The following DNAJB1 variants were observed in gnomAD, a reference collection of about 807,000 sequenced individuals.
The protein encoded by DNAJB1 is DnaJ heat shock protein family (Hsp40) member B1.
A neutral mutation model predicts 24.0 loss-of-function variants in DNAJB1; 14 were observed. The observed-to-expected ratio is 0.58, with a 90% CI of 0.39 to 0.91. The LOEUF (loss-of-function observed/expected upper bound fraction) is 0.91, where lower values mean the gene tolerates loss of function less well. DNAJB1 is among the 40% of genes least tolerant of loss of function. The pLI is 0.00. For missense variants in DNAJB1, 517 were observed against 458.1 expected, an observed-to-expected ratio of 1.13 and a Z score of -1.17; for synonymous variants, 262 against 174.4, an observed-to-expected ratio of 1.50 and a Z score of -3.96.
intron 1 of DNAJB1, among the ~76,000 whole-genome samples, chr19:14,556,186 C>G (rs928981924): frequency 3.9e-5 from 6 of 152,198 alleles, no homozygotes; most frequent in African/African-American, 1.4e-4. Context: ...GGACTCCTTC[C>G]TGCTCAGCCA....
At chr19:14,538,396 C>T (rs553811743) in intron 1 of DNAJB1, among the ~76,000 whole-genome samples, 8 of 152,194 alleles carry the variant, frequency 5.3e-5, no homozygotes, top group Admixed American at 1.3e-4. Context: ...CAGCATGCTT[C>T]GCGGCCCACA....
intron 2 of DNAJB1, 78 bp from the exon 3 acceptor site, chr19:14,516,248 G>A (rs1489074699): frequency 6.6e-7 from 1 of 1,508,878 alleles, no homozygotes; most frequent in African/African-American, 1.4e-5. Context: ...GTCTGCCATA[G>A]ATAAGACCCA....
At chr19:14,530,277 T>C (rs1373248669), upstream of DNAJB1, 1 of 162,420 alleles carries the variant, frequency 6.2e-6, no homozygotes, top group African/African-American at 2.4e-5. Context: ...ACGTCAACCC[T>C]TGGGTGTCAC....
intron 1 of DNAJB1, among the ~76,000 whole-genome samples, chr19:14,542,347 G>GGTT (rs2073124658): frequency 4.6e-5 from 2 of 43,300 alleles, no homozygotes; most frequent in African/African-American, 1.6e-4. Flanking sequence ...ATGCCATAGT[G>GGTT]TTTTTTTTTT....
intron 1 of DNAJB1, among the ~76,000 whole-genome samples, chr19:14,543,153 G>A (rs1269463171): frequency 1.3e-5 from 2 of 151,062 alleles, no homozygotes; most frequent in Non-Finnish European, 3.0e-5. Context: ...AAGTCACGGA[G>A]CTGAGCCTCC....
intron 1 of DNAJB1, among the ~76,000 whole-genome samples, chr19:14,536,941 C>G (rs2072918724): frequency 7.1e-6 from 1 of 141,708 alleles, no homozygotes; most frequent in Admixed American, 7.5e-5. Context: ...GACCTCTGGA[C>G]ACGGGGCAGA....
intron 1 of DNAJB1, among the ~76,000 whole-genome samples, chr19:14,559,311 C>T (rs1030716282): frequency 1.3e-5 from 2 of 151,980 alleles, no homozygotes; most frequent in African/African-American, 4.8e-5. Flanking sequence ...GAAAGGAGAC[C>T]GGGTACCCAG....
chr19:14,542,894 G>C (rs1010914950), intron 1 of DNAJB1, among the ~76,000 whole-genome samples: 16 of 152,064 alleles, frequency 1.1e-4, no homozygotes, highest in Non-Finnish European at 1.9e-4. Flanking sequence ...GTCCCTGCTC[G>C]AATCAGGCTC....
chr19:14,539,289 T>C (rs2073017293), intron 1 of DNAJB1, among the ~76,000 whole-genome samples: 1 of 151,854 alleles, frequency 6.6e-6, no homozygotes, highest in African/African-American at 2.4e-5. Flanking sequence ...CCACCACACC[T>C]GGCTGCAAGT....
intron 1 of DNAJB1, among the ~76,000 whole-genome samples, chr19:14,542,347 G>GTGTTTTT (rs2073125545): frequency 1.6e-3 from 68 of 43,300 alleles, no homozygotes; most frequent in African/African-American, 4.7e-3. Flanking sequence ...ATGCCATAGT[G>GTGTTTTT]TTTTTTTTTT....
At chr19:14,550,444 C>T (rs954657577), upstream of DNAJB1, among the ~76,000 whole-genome samples, 1 of 152,076 alleles carries the variant, frequency 6.6e-6, no homozygotes, top group African/African-American at 2.4e-5. Context: ...CTCCTCCAGT[C>T]AGTTTGTATC....
At chr19:14,517,167 A>C (rs948211320) in intron 1 of DNAJB1, 121 bp from the exon 2 acceptor site, 2 of 1,009,154 alleles carry the variant, frequency 2.0e-6, no homozygotes, top group African/African-American at 3.2e-5. Flanking sequence ...GTCAGGGGAG[A>C]GCAAGGAAGA....
rs369143149 is a variant in DNAJB1 at position 14,527,165 on chromosome 19, C to CTTTTTTTTTTTTTTTTTT, written c.-90+543_-90+560dup. 4.8e-5 allele frequency among the ~76,000 whole-genome samples: 2 copies of CTTTTTTTTTTTTTTTTTT among 41,264 alleles called. 1 individual carries two copies. Among genetic ancestry groups the CTTTTTTTTTTTTTTTTTT allele is most frequent in the Non-Finnish European group, 8.1e-5 (2 of 24,748 alleles). The allele number at this position is 41,264 out of a possible 152,430, so 27.1% of individuals were successfully genotyped here. ...AACTGCCACCAGAAAAATATCTCTG[C>CTTTTTTTTTTTTTTTTTT]TTTTTTTTTTTTTTTTTTTTTTTTT... On this transcript the variant is annotated intron_variant, in intron 2 of 3. Coordinates refer to the DNAJB1 transcript ENST00000396969.
At chr19:14,518,043 G>T in intron 1 of DNAJB1, 96 bp downstream of exon 1, 1 of 1,288,456 alleles carries the variant, frequency 7.8e-7, no homozygotes. Context: ...CACGGCCCGG[G>T]GCGTCCTTCC....
upstream of DNAJB1, chr19:14,532,494 CAG>C (rs1168660448): frequency 1.7e-5 from 2 of 117,136 alleles, no homozygotes; most frequent in Non-Finnish European, 3.2e-5. Context: ...GCCTGGATGA[CAG>C]AGCGAGAGTC....
chr19:14,533,073 C>T (rs1439977231), upstream of DNAJB1, among the ~76,000 whole-genome samples: 1 of 151,814 alleles, frequency 6.6e-6, no homozygotes. Flanking sequence ...GATCACGCCA[C>T]TGTACTCCAG....
intron 2 of DNAJB1, among the ~76,000 whole-genome samples, chr19:14,526,362 C>CT (rs1440078562): frequency 6.6e-6 from 1 of 152,196 alleles, no homozygotes; most frequent in Non-Finnish European, 1.5e-5. Flanking sequence ...TCCTCAGTGG[C>CT]TTGAACAAAG....
chr19:14,520,457 T>C (rs1362557792), upstream of DNAJB1, among the ~76,000 whole-genome samples: 1 of 151,734 alleles, frequency 6.6e-6, no homozygotes, highest in Non-Finnish European at 1.5e-5. Context: ...AAAAGTTACA[T>C]AAATAACTAT....
chr19:14,541,948 C>T (rs961423085), intron 1 of DNAJB1, among the ~76,000 whole-genome samples: 7 of 151,896 alleles, frequency 4.6e-5, no homozygotes, highest in Non-Finnish European at 8.8e-5. Context: ...CCACGCCTGG[C>T]GTATTTTTTG....
Sources: gnomAD v4.1 joint callset for allele counts (sites outside exome capture counted in the v4.1 genomes callset) on GRCh38, gnomAD v4.1.1 for gene constraint, MANE v1.5 for transcripts, NCBI Gene and HGNC (gene_info 2026-07-23, HGNC 2026-07-21) for gene names.